The following INTS1 variants were observed in gnomAD, a reference collection of about 807,000 sequenced individuals.
The protein encoded by INTS1 is integrator complex subunit 1.
INTS1 carries 137 observed loss-of-function variants against 241.6 expected under a neutral mutation model. The observed-to-expected ratio is 0.57, with a 90% CI of 0.49 to 0.65. The LOEUF (loss-of-function observed/expected upper bound fraction) is 0.65, where lower values mean the gene tolerates loss of function less well. Among genes scored for constraint, INTS1 ranks in the 30% least tolerant of loss-of-function variants. INTS1 has a pLI of 0.00. For synonymous variants in INTS1, 1,692 were observed against 1,337.8 expected (o/e 1.26, Z -5.78); for missense variants, 3,073 against 3,032.2 (o/e 1.01, Z -0.32).
rs962132151 is a variant in INTS1 at position 1,497,956 on chromosome 7, G to C, written c.1425+456C>G. Among the ~76,000 whole-genome samples the C allele has an allele frequency of 6.6e-6, 1 of 152,264 alleles. No individual in the cohort carries two copies. Among genetic ancestry groups the C allele is most frequent in the Non-Finnish European group, 1.5e-5 (1 of 68,042 alleles). On this transcript the variant is annotated intron_variant, in intron 10 of 47. Coordinates refer to ENST00000404767, the MANE Select transcript of INTS1 (RefSeq NM_001080453.3). This position sits in a 1 kb window ranked among gnomAD's most constrained non-coding sequence, Gnocchi z 5.3. ...GGGCCAGGCACAGGGGCTCATGCCT[G>C]TCATCCCAGCACTTTGGGAGGTTGA...
Position 1,499,095 on chromosome 7 carries a change from C to T in INTS1, c.1017G>A (p.Arg339=), listed in dbSNP as rs368837440. ...TGGAGACGTTGTCGATGGGCTGGCG[C>T]CGGTTCAGCTGGTCCCGCAGCATGT... is the stretch of plus-strand genomic sequence containing the variant. ...VLDMLRDQLN[R]RQPIDNVSRN... The change falls in exon 8 of 48, where the codon CGG becomes CGA. Residue 339 remains arginine, a synonymous_variant. Coordinates refer to ENST00000404767, the MANE Select transcript of INTS1 (RefSeq NM_001080453.3). 4.5e-5 allele frequency: 73 copies of T among 1,610,396 alleles called. No homozygotes were observed. Among genetic ancestry groups the T allele is most frequent in the East Asian group, 6.7e-5 (3 of 44,860 alleles).
At chr7:1,483,086 C>G (rs951142746) in intron 26 of INTS1, 2 of 236,110 alleles carry the variant, frequency 8.5e-6, no homozygotes, top group African/African-American at 4.5e-5. Context: ...GCCAGCTTCT[C>G]CGGCTGCCCT....
At chr7:1,503,501 G>C (rs907724851) in intron 2 of INTS1, among the ~76,000 whole-genome samples, 18 of 152,190 alleles carry the variant, frequency 1.2e-4, no homozygotes, top group Non-Finnish European at 2.6e-4. Flanking sequence ...AGAGAGAAAG[G>C]GACACAGAGA....
At chr7:1,482,854 C>T (rs1782061511) in intron 26 of INTS1, 147 bp from the exon 27 acceptor site, 2 of 899,912 alleles carry the variant, frequency 2.2e-6, no homozygotes, top group Non-Finnish European at 3.4e-6. Context: ...TAGGTGAGCA[C>T]TTGCTATGTG....
At chr7:1,495,341 C>T (rs1207162030) in intron 13 of INTS1, 92 bp downstream of exon 13, 7 of 1,455,824 alleles carry the variant, frequency 4.8e-6, no homozygotes, top group African/African-American at 2.8e-5. Flanking sequence ...TGTCCTGGCT[C>T]AGTGGGGTTT....
intron 40 of INTS1, 115 bp from the exon 41 acceptor site, chr7:1,474,475 A>G (rs1017672566): frequency 9.8e-7 from 1 of 1,023,186 alleles, no homozygotes; most frequent in Non-Finnish European, 1.3e-6. Flanking sequence ...CCCCCCAACC[A>G]CCCTCCTGCC....
Position 1,470,493 on chromosome 7 carries a change from A to C in INTS1, c.*84T>G. The C allele has an allele frequency of 9.2e-7, 1 of 1,085,864 alleles. No individual in the cohort carries two copies. The highest frequency in any genetic ancestry group is 1.6e-5 in the South Asian group (1 of 63,996). 67.3% of individuals were successfully genotyped at this position (1,085,864 alleles called of 1,614,324 possible). On this transcript the variant is annotated 3_prime_UTR_variant, in exon 48 of 48. Transcript: ENST00000404767. ...CCTCACCTCCTCGGACAGACCAGCAACGCCCACGCTTCCTGGGCTTTGCCT... is the reference window on the plus strand; with the variant it reads ...CCTCACCTCCTCGGACAGACCAGCACCGCCCACGCTTCCTGGGCTTTGCCT...
chr7:1,500,341 C>G lies in INTS1; in HGVS notation c.375G>C (p.Glu125Asp), dbSNP rs1449817921. The change falls in exon 4 of 48, where the codon GAG (glutamate) becomes GAC (aspartate). Residue 125 changes from glutamate (E) to aspartate (D), a missense_variant. Coordinates refer to ENST00000404767, the MANE Select transcript of INTS1 (RefSeq NM_001080453.3). ...TGCCCTCCAGCTCGGCCGCCTCGAT[C>G]TCATCCAGCAGCACCGTGGGCAGCA... ...IEVLPTVLLD[E>D]IEAAELEGND... 6.3e-7 allele frequency: 1 copy of G among 1,584,162 alleles called. No individual in the cohort carries two copies. The highest frequency in any genetic ancestry group is 8.6e-7 in the Non-Finnish European group (1 of 1,163,688).
In INTS1 at chr7:1,472,281, G is replaced by A. The variant is rs1327068219; in HGVS notation, c.6176C>T (p.Thr2059Met). 6 of 1,553,370 alleles carry A rather than the reference G, an allele frequency of 3.9e-6. No homozygotes were observed. The highest frequency in any genetic ancestry group is 2.7e-5 in the African/African-American group (2 of 73,280). ...AGCAGGGCCTGACTCACCCTCCACC[G>A]TTTGGCCCCGGGAAAGCCGTTTCAT... ...PYMKRLSRGQTVEDLLEVLSD... is the reference protein window; with the variant it reads ...PYMKRLSRGQMVEDLLEVLSD... The change falls in exon 44 of 48, where the codon ACG (threonine) becomes ATG (methionine). Residue 2059 changes from threonine to methionine, a missense_variant. Thr to Met is a moderately conservative substitution (Grantham distance 81). Coordinates refer to ENST00000404767, the MANE Select transcript of INTS1 (RefSeq NM_001080453.3).
At chr7:1,476,735 A>AG in intron 36 of INTS1, 59 bp downstream of exon 36, 1 of 1,612,068 alleles carries the variant, frequency 6.2e-7, no homozygotes, top group South Asian at 1.1e-5. Flanking sequence ...CGGCGCTGGG[A>AG]GATTTCTGGT....
intron 13 of INTS1, 117 bp downstream of exon 13, chr7:1,495,316 G>A (rs1017886120): frequency 1.6e-6 from 2 of 1,266,898 alleles, no homozygotes; most frequent in East Asian, 2.5e-5. Flanking sequence ...GGCAGGGGCT[G>A]TGCGGGGCCT....
Position 1,497,084 on chromosome 7 carries a change from C to T in INTS1, c.1602+54G>A, listed in dbSNP as rs565671347. The stretch of plus-strand genomic sequence containing the variant: ...ATGGGACCCAGGACGAGGGGGATGG[C>T]GGCGCGTGGAACCCGCAGTGAGGGA... On this transcript the variant is annotated intron_variant, in intron 11 of 47. Coordinates refer to ENST00000404767, the MANE Select transcript of INTS1 (RefSeq NM_001080453.3). This position sits in a 1 kb window ranked among gnomAD's most constrained non-coding sequence, Gnocchi z 5.3. 9 of 1,506,228 alleles carry T rather than the reference C, an allele frequency of 6.0e-6. No individual in the cohort carries two copies. Among genetic ancestry groups the T allele is most frequent in the East Asian group, 2.4e-5 (1 of 41,846 alleles). 93.3% of individuals were successfully genotyped at this position (1,506,228 alleles called of 1,614,324 possible). A position where few individuals can be genotyped will look rare whatever the true frequency, so the allele number is the denominator to read the frequency against.
Position 1,477,934 on chromosome 7 carries a change from G to A in INTS1, c.4633C>T (p.Leu1545Phe), listed in dbSNP as rs768498456. The A allele has an allele frequency of 1.9e-6, 3 of 1,612,508 alleles. No homozygotes were observed. Among genetic ancestry groups the A allele is most frequent in the African/African-American group, 2.7e-5 (2 of 75,072 alleles). ...GACCTCACCTCGATCAGCCCCTGGAGGACTGCGCAAGGGACAAAGAGACAT... is the reference window on the plus strand; with the variant it reads ...GACCTCACCTCGATCAGCCCCTGGAAGACTGCGCAAGGGACAAAGAGACAT... ...SVEPDLISKV[L>F]QGLIEVRSPH... The change falls in exon 34 of 48, where the codon CTC becomes TTC. Residue 1545 changes from leucine to phenylalanine, a missense_variant and splice_region_variant. Leu to Phe is a conservative substitution (Grantham distance 22, BLOSUM62 0). Coordinates refer to ENST00000404767, the MANE Select transcript of INTS1 (RefSeq NM_001080453.3).
chr7:1,493,628 G>GGGACCCA lies in INTS1; in HGVS notation c.2068+119_2068+125dup. The GGGACCCA allele has an allele frequency of 1.5e-6, 2 of 1,297,576 alleles. No homozygotes were observed. Among genetic ancestry groups the GGGACCCA allele is most frequent in the African/African-American group, 1.5e-5 (1 of 66,336 alleles). 80.4% of individuals were successfully genotyped at this position (1,297,576 alleles called of 1,614,324 possible). A position where few individuals can be genotyped will look rare whatever the true frequency, so the allele number is the denominator to read the frequency against. ...AGAAGGCAGGTCCCCGAGCCTCCCG[G>GGGACCCA]GGACCCAGGACCCAGCTGAAGCGCA... is the stretch of plus-strand genomic sequence containing the variant. On this transcript the variant is annotated intron_variant, in intron 15 of 47. Coordinates refer to ENST00000404767, the MANE Select transcript of INTS1 (RefSeq NM_001080453.3). The surrounding 1 kb of genome is among the most constrained non-coding windows in gnomAD (Gnocchi z 5.3).
Position 1,495,770 on chromosome 7 carries a change from G to A in INTS1, c.1712-217C>T, listed in dbSNP as rs553825693. Among the ~76,000 whole-genome samples, 700 of 152,214 alleles carry A rather than the reference G, an allele frequency of 4.6e-3. 12 individuals carry two copies. Among genetic ancestry groups the A allele is most frequent in the Middle Eastern group, 0.024 (7 of 294 alleles). On this transcript the variant is annotated intron_variant, in intron 12 of 47. Transcript: ENST00000404767. ...GGAATCCTCCTGTTCCGAGTGACTC[G>A]CTCCGGTCAATGGCTTAGAGGGCTT...
At position 1,487,446 on chromosome 7, in the gene INTS1, C is replaced by A. The variant is rs765933412; in HGVS notation, c.2520G>T (p.Gly840=). The A allele has an allele frequency of 7.5e-6, 12 of 1,608,474 alleles. No individual in the cohort carries two copies. Among genetic ancestry groups the A allele is most frequent in the Non-Finnish European group, 1.0e-5 (12 of 1,177,702 alleles). ...TGTGAGGGGGAGGCCTCCGGGGGGGCCCCCTGAGGGCCACAGGGGACACGG... is the reference window on the plus strand; with the variant it reads ...TGTGAGGGGGAGGCCTCCGGGGGGGACCCCTGAGGGCCACAGGGGACACGG... ...LSQLTSLDPQ[G]PPRRPPPHIL... Residue 840 remains glycine, a synonymous_variant, in exon 20 of 48, where the codon GGG becomes GGT. Coordinates refer to ENST00000404767, the MANE Select transcript of INTS1 (RefSeq NM_001080453.3).
In INTS1 at chr7:1,498,513, T is replaced by C. The variant is rs1006860903; in HGVS notation, c.1324A>G (p.Ile442Val). The C allele has an allele frequency of 2.6e-5, 42 of 1,613,870 alleles. No individual in the cohort carries two copies. The highest frequency in any genetic ancestry group is 3.5e-5 in the Non-Finnish European group (41 of 1,179,876). ...AGCTCATTGAAGATCACCAACTTGA[T>C]GGTGGTGCCCAGGTTGTCCTTGTGC... Reference protein sequence around the residue: ...SAHKDNLGTTIKLVIFNELSS... With the variant: ...SAHKDNLGTTVKLVIFNELSS... Residue 442 changes from isoleucine to valine, a missense_variant, in exon 10 of 48, where the codon ATC becomes GTC. Ile to Val is a conservative substitution (Grantham distance 29). Transcript: ENST00000404767.
chr7:1,485,207 A>G lies in INTS1; in HGVS notation c.3157-5T>C. On this transcript the variant is annotated splice_region_variant and splice_polypyrimidine_tract_variant and intron_variant, in intron 23 of 47. Coordinates refer to ENST00000404767, the MANE Select transcript of INTS1 (RefSeq NM_001080453.3). ...ATCAGTCTCCATGTGGATTGCCTGG[A>G]GGGGAGGGTGGTCTGAGCGGCAACA... 6.3e-7 allele frequency: 1 copy of G among 1,599,890 alleles called. No individual in the cohort carries two copies.
rs766188702 is a variant in INTS1 at position 1,486,582 on chromosome 7, A to T, written c.2976+43T>A. The stretch of plus-strand genomic sequence containing the variant: ...GCCCGGTCCCCAGCCTACTCATTTT[A>T]AACATGAAGAGCGTGCGCAGAAAGA... On this transcript the variant is annotated intron_variant, in intron 22 of 47. Coordinates refer to ENST00000404767, the MANE Select transcript of INTS1 (RefSeq NM_001080453.3). 9 of 1,582,652 alleles carry T rather than the reference A, an allele frequency of 5.7e-6. No individual in the cohort carries two copies. In the African/African-American group the frequency reaches 1.1e-4, roughly 19 times the overall value.
Sources: allele counts gnomAD v4.1 joint callset (sites outside exome capture counted in the v4.1 genomes callset), GRCh38; gene constraint gnomAD v4.1.1; non-coding constraint Gnocchi (gnomAD v3.1); transcripts MANE v1.5; gene names NCBI Gene and HGNC (gene_info 2026-07-23, HGNC 2026-07-21).